The following SMAD3 variants were observed in gnomAD, a reference collection of about 807,000 sequenced individuals.
SMAD3 encodes MAD homolog 3.
SMAD3 carries 12 observed loss-of-function variants against 51.8 expected under a neutral mutation model. The observed-to-expected ratio is 0.23, with a 90% CI of 0.15 to 0.38. The LOEUF (loss-of-function observed/expected upper bound fraction) is 0.38, where lower values mean the gene tolerates loss of function less well. SMAD3 is among the 10% of genes least tolerant of loss of function. The pLI is 1.00. For synonymous variants in SMAD3, 238 were observed against 227.7 expected (o/e 1.05, Z -0.41); for missense variants, 294 against 565.6 (o/e 0.52, Z 4.87).
At chr15:67,137,281 T>C (rs1961691219) in intron 1 of SMAD3, among the ~76,000 whole-genome samples, 1 of 152,258 alleles carries the variant, frequency 6.6e-6, no homozygotes, top group Non-Finnish European at 1.5e-5. Flanking sequence ...ATATCAGCAC[T>C]GCAAGTTGAT....
chr15:67,134,849 C>CA (rs1220982668), intron 1 of SMAD3, among the ~76,000 whole-genome samples: 3 of 152,162 alleles, frequency 2.0e-5, no homozygotes, highest in Admixed American at 6.5e-5. Flanking sequence ...CCCTCACACT[C>CA]ACGGCAGAGG....
At chr15:67,123,836 T>A (rs1961323292) in intron 1 of SMAD3, among the ~76,000 whole-genome samples, 1 of 152,174 alleles carries the variant, frequency 6.6e-6, no homozygotes, top group South Asian at 2.1e-4. Flanking sequence ...AAAGCTATAA[T>A]AAAACATCCC....
intron 1 of SMAD3, among the ~76,000 whole-genome samples, chr15:67,162,534 A>C (rs573220910): frequency 3.9e-5 from 6 of 152,092 alleles, no homozygotes; most frequent in African/African-American, 1.4e-4. Context: ...GCCCACTTAC[A>C]CATCTCAGAG....
At chr15:67,153,600 G>A (rs1352492958) in intron 1 of SMAD3, among the ~76,000 whole-genome samples, 1 of 152,194 alleles carries the variant, frequency 6.6e-6, no homozygotes, top group East Asian at 1.9e-4. Context: ...CCCCCCAGGG[G>A]ACATTTGGCA....
intron 1 of SMAD3, among the ~76,000 whole-genome samples, chr15:67,094,523 G>C (rs7169183): frequency 0.63 from 95,211 of 152,074 alleles, 30,237 homozygotes; most frequent in East Asian, 0.8. Flanking sequence ...AACATGGAAC[G>C]CAGGGCCTGC....
intron 1 of SMAD3, among the ~76,000 whole-genome samples, chr15:67,118,908 A>T (rs1440641146): frequency 6.6e-6 from 1 of 152,242 alleles, no homozygotes; most frequent in African/African-American, 2.4e-5. Flanking sequence ...GCACAGAATC[A>T]TGCACAAGCA....
chr15:67,180,953 G>A lies in SMAD3; in HGVS notation c.659-288G>A, dbSNP rs996054218. ...TCCATCCAGTCAAGGCCAAGCAGGC[G>A]GGGCAGGGCCTTTATGAGCTAAATA... is the stretch of plus-strand genomic sequence containing the variant. On this transcript the variant is annotated intron_variant, in intron 5 of 8. Coordinates refer to ENST00000327367, the MANE Select transcript of SMAD3 (RefSeq NM_005902.4). Among the ~76,000 whole-genome samples the A allele has an allele frequency of 4.0e-5, 6 of 150,228 alleles. No homozygotes were observed. In the South Asian group the frequency reaches 8.4e-4, roughly 21 times the overall value.
chr15:67,070,564 C>T (rs138970275), intron 1 of SMAD3, among the ~76,000 whole-genome samples: 1 of 151,696 alleles, frequency 6.6e-6, no homozygotes, highest in East Asian at 1.9e-4. Flanking sequence ...AAGCTCCCAG[C>T]CTGTGAGAAG....
At chr15:67,166,042 A>C in intron 3 of SMAD3, 1 of 294,976 alleles carries the variant, frequency 3.4e-6, no homozygotes, top group Non-Finnish European at 5.1e-6. Context: ...CGTTCCTCTT[A>C]GAGCATTCTA....
At chr15:67,108,455 C>T (rs1205709101) in intron 1 of SMAD3, among the ~76,000 whole-genome samples, 3 of 152,188 alleles carry the variant, frequency 2.0e-5, no homozygotes, top group East Asian at 3.8e-4. Context: ...ATTCAACTTA[C>T]TTCCTCCAAA....
chr15:67,093,950 C>T (rs770256668), intron 1 of SMAD3, among the ~76,000 whole-genome samples: 1 of 152,230 alleles, frequency 6.6e-6, no homozygotes, highest in Non-Finnish European at 1.5e-5. Flanking sequence ...GAAGCCAAGG[C>T]TCTGAGAAGG....
At position 67,165,362 on chromosome 15, in the gene SMAD3, C is replaced by T. The variant is rs375925515; in HGVS notation, c.510C>T (p.Ile170=). 2.2e-5 allele frequency: 35 copies of T among 1,614,092 alleles called. No homozygotes were observed. The African/African-American group carries it at 2.7e-4, about 12-fold the overall frequency. Residue 170 remains isoleucine, a synonymous_variant, in exon 3 of 9, where the codon ATC becomes ATT. Transcript: ENST00000327367. The part of the protein sequence containing the change: ...IPENTNFPAG[I]EPQSNIPETP... The stretch of plus-strand genomic sequence containing the variant: ...AAAACACTAACTTCCCCGCAGGCAT[C>T]GAGCCCCAGAGCAATATTCCAGGTA...
intron 1 of SMAD3, among the ~76,000 whole-genome samples, chr15:67,067,720 G>A (rs1260563856): frequency 6.6e-6 from 1 of 152,116 alleles, no homozygotes; most frequent in African/African-American, 2.4e-5. Context: ...TTTTTAACTG[G>A]GTGGATCCAG....
At chr15:67,151,017 G>A (rs1962126823) in intron 1 of SMAD3, among the ~76,000 whole-genome samples, 1 of 151,190 alleles carries the variant, frequency 6.6e-6, no homozygotes, top group Admixed American at 6.6e-5. Context: ...CACCATGCCT[G>A]GCTAATTTTT....
Position 67,187,532 on chromosome 15 carries a change from A to C in SMAD3, c.1154+23A>C, listed in dbSNP as rs55678244. On this transcript the variant is annotated intron_variant, in intron 8 of 8. Transcript: ENST00000327367. ...CAGGTCAGTTATGGGTGCTGCCTAC[A>C]TCAGGGGACCCAACTCCAGGTGACT... 6,152 of 1,614,058 alleles carry C rather than the reference A, an allele frequency of 3.8e-3. 19 individuals carry two copies. Among genetic ancestry groups the C allele is most frequent in the Non-Finnish European group, 4.3e-3 (5,070 of 1,179,946 alleles).
rs542555451 is a variant in SMAD3, at chr15:67,089,147, A to G, written c.206+22787A>G. Among the ~76,000 whole-genome samples the G allele has an allele frequency of 2.2e-3, 337 of 152,282 alleles. 1 individual carries two copies. The highest frequency in any genetic ancestry group is 7.4e-3 in the African/African-American group (309 of 41,576). On this transcript the variant is annotated intron_variant, in intron 1 of 8. Transcript: ENST00000327367. Reference sequence around the variant, plus strand: ...CTCTTGCAAAGTGGGCCTTTAAAAAAGGGGTGTATGGCTGCTTAGTTCTGA... The same window carrying G: ...CTCTTGCAAAGTGGGCCTTTAAAAAGGGGGTGTATGGCTGCTTAGTTCTGA...
Position 67,066,343 on chromosome 15 carries a change from G to C in SMAD3, c.189G>C (p.Lys63Asn), listed in dbSNP as rs1555405116. The C allele has an allele frequency of 6.2e-7, 1 of 1,612,998 alleles. No homozygotes were observed. The highest frequency in any genetic ancestry group is 8.5e-7 in the Non-Finnish European group (1 of 1,179,650). The change falls in exon 1 of 9, where the codon AAG becomes AAC. Residue 63 changes from lysine to asparagine, a missense_variant. By Grantham distance (94) the Lys-to-Asn change is moderately conservative. Coordinates refer to ENST00000327367, the MANE Select transcript of SMAD3 (RefSeq NM_005902.4). ...TCACCACGCAGAACGTCAACACCAA[G>C]TGCATCACCATCCCCAGGTGGGGGC... is the stretch of plus-strand genomic sequence containing the variant. ...KAITTQNVNT[K>N]CITIPRSLDG...
chr15:67,101,360 C>T (rs146471326), intron 1 of SMAD3, among the ~76,000 whole-genome samples: 1 of 152,306 alleles, frequency 6.6e-6, no homozygotes, highest in East Asian at 1.9e-4. Flanking sequence ...GAAACTGTAG[C>T]TTATAGTAAT....
chr15:67,100,925 G>C (rs1960740653), intron 1 of SMAD3, among the ~76,000 whole-genome samples: 1 of 152,194 alleles, frequency 6.6e-6, no homozygotes, highest in South Asian at 2.1e-4. Flanking sequence ...GGAAAAGGGG[G>C]TTTTGGCTCC....
Sources: allele counts gnomAD v4.1 joint callset (sites outside exome capture counted in the v4.1 genomes callset), GRCh38; gene constraint gnomAD v4.1.1; transcripts MANE v1.5; gene names NCBI Gene and HGNC (gene_info 2026-07-23, HGNC 2026-07-21).